Variants in CSMD1 observed in about 807,000 individuals in gnomAD.
The protein encoded by CSMD1 is CUB and Sushi multiple domains 1, also known as CUB and sushi domain-containing protein 1.
A neutral mutation model predicts 417.5 loss-of-function variants in CSMD1; 213 were observed. The ratio of observed to expected loss-of-function variants is 0.51; its 90% confidence interval spans 0.46 to 0.57. CSMD1 has a LOEUF of 0.57. Among genes scored for constraint, CSMD1 ranks in the 20% least tolerant of loss-of-function variants. CSMD1 has a pLI of 0.00. For synonymous variants in CSMD1, 2,862 were observed against 1,736.8 expected, an observed-to-expected ratio of 1.65 and a Z score of -16.11; for missense variants, 6,923 against 4,529.7, an observed-to-expected ratio of 1.53 and a Z score of -15.17.
intron 7 of CSMD1, among the ~76,000 whole-genome samples, chr8:3,681,486 T>A (rs886712887): frequency 6.6e-6 from 1 of 152,160 alleles, no homozygotes; most frequent in African/African-American, 2.4e-5. Flanking sequence ...TTACAAGGGA[T>A]GTGAAGGACC....
In CSMD1 at chr8:4,578,434, A is replaced by G. The variant is rs1799245603; in HGVS notation, c.302+58908T>C. 3.4e-5 allele frequency among the ~76,000 whole-genome samples: 5 copies of G among 147,390 alleles called. No homozygotes were observed. In the South Asian group the frequency reaches 1.1e-3, roughly 32 times the overall value. On this transcript the variant is annotated intron_variant, in intron 2 of 69. Coordinates refer to ENST00000635120, the MANE Select transcript of CSMD1 (RefSeq NM_033225.6). ...GATCTCATGATTCGCCCACCTCAGCAAGGGACTACATCATATTCTTCACTG... is the reference window on the plus strand; with the variant it reads ...GATCTCATGATTCGCCCACCTCAGCGAGGGACTACATCATATTCTTCACTG...
At chr8:4,730,812 T>C (rs62484592) in intron 1 of CSMD1, among the ~76,000 whole-genome samples, 4,085 of 152,170 alleles carry the variant, frequency 0.027, 80 homozygotes, top group Middle Eastern at 0.041. Context: ...TTGCTGATTT[T>C]CTTGGTTTTT....
chr8:4,428,532 A>C (rs1797692845), intron 2 of CSMD1, among the ~76,000 whole-genome samples: 1 of 152,206 alleles, frequency 6.6e-6, no homozygotes, highest in Admixed American at 6.5e-5. Flanking sequence ...GTATACACAC[A>C]GAAGTATGTT....
chr8:3,886,302 G>C (rs1354918974), intron 5 of CSMD1, among the ~76,000 whole-genome samples: 1 of 152,186 alleles, frequency 6.6e-6, no homozygotes, highest in Non-Finnish European at 1.5e-5. Flanking sequence ...GACTGCCTCA[G>C]CCTCTCAAAG....
intron 11 of CSMD1, among the ~76,000 whole-genome samples, chr8:3,493,420 G>A (rs1441608126): frequency 6.6e-6 from 1 of 151,862 alleles, no homozygotes; most frequent in African/African-American, 2.4e-5. Context: ...AAGAAAAACA[G>A]TCGAAACAGA....
In CSMD1 at chr8:3,911,400, C is replaced by T. The variant is rs371016180; in HGVS notation, c.818+86503G>A. 1.4e-3 allele frequency among the ~76,000 whole-genome samples: 217 copies of T among 151,768 alleles called. 1 individual carries two copies. The highest frequency in any genetic ancestry group is 4.9e-3 in the African/African-American group (204 of 41,374). On this transcript the variant is annotated intron_variant, in intron 5 of 69. Transcript: ENST00000635120. ...AAAATTAGCTGGGTATGGTGGCGGGCGCCTGTGATCCCAGTTACTCGGGAG... is the reference window on the plus strand; with the variant it reads ...AAAATTAGCTGGGTATGGTGGCGGGTGCCTGTGATCCCAGTTACTCGGGAG...
At chr8:4,241,708 C>CT (rs113859833) in intron 3 of CSMD1, among the ~76,000 whole-genome samples, 40 of 135,810 alleles carry the variant, frequency 2.9e-4, no homozygotes, top group Middle Eastern at 3.8e-3. Flanking sequence ...TTTTTTTTTT[C>CT]TTTTTTTTTT....
chr8:4,716,582 A>G (rs1808672599), intron 1 of CSMD1, among the ~76,000 whole-genome samples: 1 of 152,230 alleles, frequency 6.6e-6, no homozygotes, highest in Non-Finnish European at 1.5e-5. Flanking sequence ...GGAATTTACT[A>G]TATTCTTATA....
intron 26 of CSMD1, among the ~76,000 whole-genome samples, chr8:3,248,796 C>G (rs553214989): frequency 5.3e-5 from 8 of 151,954 alleles, no homozygotes; most frequent in East Asian, 1.9e-4. Context: ...ACAATTTTAC[C>G]CTATTCTCTT....
At chr8:4,974,918 T>C (rs1055748183) in intron 1 of CSMD1, among the ~76,000 whole-genome samples, 2 of 152,224 alleles carry the variant, frequency 1.3e-5, no homozygotes, top group African/African-American at 4.8e-5. Flanking sequence ...GTTGATATAC[T>C]GGGGTTTAAA....
At chr8:3,750,222 A>G (rs536991896) in intron 6 of CSMD1, among the ~76,000 whole-genome samples, 1 of 152,130 alleles carries the variant, frequency 6.6e-6, no homozygotes, top group Non-Finnish European at 1.5e-5. Context: ...AAATGACCAT[A>G]AATGATAAAC....
intron 2 of CSMD1, among the ~76,000 whole-genome samples, chr8:4,566,695 A>G (rs1010925376): frequency 2.7e-5 from 4 of 149,954 alleles, no homozygotes; most frequent in Non-Finnish European, 3.0e-5. Flanking sequence ...TAGTTTTGGT[A>G]TAATTTTGGA....
intron 1 of CSMD1, among the ~76,000 whole-genome samples, chr8:4,885,289 T>A (rs1180054550): frequency 1.3e-5 from 2 of 152,100 alleles, no homozygotes. Flanking sequence ...AGAGATAGTT[T>A]TCCTTCTTTT....
intron 5 of CSMD1, among the ~76,000 whole-genome samples, chr8:3,879,222 T>G (rs943661249): frequency 6.6e-6 from 1 of 152,192 alleles, no homozygotes; most frequent in African/African-American, 2.4e-5. Flanking sequence ...AGGTATGTAT[T>G]TATACACTAT....
intron 3 of CSMD1, among the ~76,000 whole-genome samples, chr8:4,334,794 G>C (rs745789731): frequency 6.6e-6 from 1 of 152,046 alleles, no homozygotes; most frequent in African/African-American, 2.4e-5. Context: ...TGTTTGGGCT[G>C]CTATGACAAA....
chr8:4,276,715 T>A (rs1214018303), intron 3 of CSMD1, among the ~76,000 whole-genome samples: 1 of 152,190 alleles, frequency 6.6e-6, no homozygotes, highest in Non-Finnish European at 1.5e-5. Flanking sequence ...GGATCCCAAT[T>A]TTAATAAATA....
Position 4,314,492 on chromosome 8 carries a change from T to C in CSMD1, c.415+105461A>G, listed in dbSNP as rs144799228. Among the ~76,000 whole-genome samples, 322 of 152,298 alleles carry C rather than the reference T, an allele frequency of 2.1e-3. 5 individuals are homozygous for C. In the East Asian group the frequency reaches 0.047, roughly 22 times the overall value. ...TGCATCCGTTCCTTGAATACCTTTC[T>C]AAGCAGTCTGGACTTTGCTAATGCC... On this transcript the variant is annotated intron_variant, in intron 3 of 69. Transcript: ENST00000635120.
At chr8:4,909,290 G>C (rs1465387682) in intron 1 of CSMD1, among the ~76,000 whole-genome samples, 1 of 151,384 alleles carries the variant, frequency 6.6e-6, no homozygotes, top group Non-Finnish European at 1.5e-5. Flanking sequence ...TCAGGGCTAT[G>C]ACTTTTCTGA....
chr8:4,687,325 A>T (rs1029924379), intron 1 of CSMD1, among the ~76,000 whole-genome samples: 2 of 152,216 alleles, frequency 1.3e-5, no homozygotes, highest in African/African-American at 2.4e-5. Context: ...AGATGCATAG[A>T]TGGAGAAGAG....
Sources: allele counts gnomAD v4.1 joint callset (sites outside exome capture counted in the v4.1 genomes callset), GRCh38; gene constraint gnomAD v4.1.1; transcripts MANE v1.5; gene names NCBI Gene and HGNC (gene_info 2026-07-23, HGNC 2026-07-21).